Variants in CNTNAP3B observed in about 807,000 individuals in gnomAD.
CNTNAP3B encodes contactin-associated protein-like 3B.
CNTNAP3B carries 25 observed loss-of-function variants against 108.9 expected under a neutral mutation model. The observed-to-expected ratio is 0.23, with a 90% CI of 0.17 to 0.32. CNTNAP3B has a LOEUF of 0.32. CNTNAP3B is among the 10% of genes least tolerant of loss of function. The probability of loss-of-function intolerance (pLI) is 1.00; values close to 1 mark genes in which losing one functional copy is unlikely to be tolerated. For missense variants in CNTNAP3B, 252 were observed against 1,210.4 expected, an observed-to-expected ratio of 0.21 and a Z score of 11.75; for synonymous variants, 103 against 473.4, an observed-to-expected ratio of 0.22 and a Z score of 10.16.
intron 14 of CNTNAP3B, among the ~76,000 whole-genome samples, chr9:41,929,854 T>G (rs1823925112): frequency 6.6e-6 from 1 of 151,134 alleles, no homozygotes; most frequent in Non-Finnish European, 1.5e-5. Flanking sequence ...CTCACTGCCA[T>G]GCAAAAATAG....
At chr9:41,952,390 A>G (rs1824715728) in intron 13 of CNTNAP3B, among the ~76,000 whole-genome samples, 1 of 152,222 alleles carries the variant, frequency 6.6e-6, no homozygotes, top group Non-Finnish European at 1.5e-5. Flanking sequence ...TCCCGCCTAT[A>G]TACTATTTGG....
chr9:41,930,485 G>C (rs1397402180), intron 14 of CNTNAP3B, among the ~76,000 whole-genome samples: 1 of 152,230 alleles, frequency 6.6e-6, no homozygotes, highest in African/African-American at 2.4e-5. Flanking sequence ...AGAGGCTGTA[G>C]TGAGCCATGT....
intron 3 of CNTNAP3B, among the ~76,000 whole-genome samples, chr9:42,032,888 C>CG (rs1826547584): frequency 1.5e-5 from 2 of 133,180 alleles, no homozygotes; most frequent in Non-Finnish European, 3.2e-5. Context: ...TCTCTCTCTC[C>CG]CCCTCTCTTC....
At chr9:42,066,207 T>G (rs1225394842) in intron 3 of CNTNAP3B, among the ~76,000 whole-genome samples, 1 of 137,416 alleles carries the variant, frequency 7.3e-6, no homozygotes, top group Non-Finnish European at 1.6e-5. Context: ...GATCTCCTTA[T>G]ATACCTCATA....
chr9:41,924,909 G>T (rs1293108170), intron 15 of CNTNAP3B, among the ~76,000 whole-genome samples: 3 of 152,200 alleles, frequency 2.0e-5, no homozygotes, highest in Non-Finnish European at 4.4e-5. Context: ...CCTCAACTTG[G>T]ATTTGTCTGA....
At chr9:42,041,680 C>T (rs1454198039) in intron 3 of CNTNAP3B, among the ~76,000 whole-genome samples, 5 of 142,554 alleles carry the variant, frequency 3.5e-5, no homozygotes, top group African/African-American at 1.4e-4. Flanking sequence ...GACAGTGTGG[C>T]AATTCCTCAA....
chr9:42,029,597 C>T (rs1384013404), intron 3 of CNTNAP3B, among the ~76,000 whole-genome samples: 10 of 119,434 alleles, frequency 8.4e-5, no homozygotes, highest in Non-Finnish European at 1.7e-4. Context: ...GTGGTGCAGT[C>T]TCGGCTCACC....
chr9:41,936,941 A>G (rs1177756570), intron 14 of CNTNAP3B, among the ~76,000 whole-genome samples: 16 of 152,406 alleles, frequency 1.0e-4, no homozygotes, highest in African/African-American at 2.9e-4. Context: ...CAACTTCACA[A>G]TATTTTTTAA....
Position 42,017,026 on chromosome 9 carries a change from T to G in CNTNAP3B, c.391-3501A>C, listed in dbSNP as rs1221322545. Among the ~76,000 whole-genome samples, 15 of 151,750 alleles carry G rather than the reference T, an allele frequency of 9.9e-5. No homozygotes were observed. In the South Asian group the frequency reaches 1.5e-3, roughly 15 times the overall value. ...AGGGCATTCTAGCTAAGTATTATAT[T>G]AAGTAATCAAAAATGAGTATTTTCA... On this transcript the variant is annotated intron_variant, in intron 3 of 23. Coordinates refer to ENST00000377561, the MANE Select transcript of CNTNAP3B (RefSeq NM_001201380.3).
intron 1 of CNTNAP3B, among the ~76,000 whole-genome samples, chr9:42,115,959 C>T (rs1187876844): frequency 3.0e-5 from 4 of 134,872 alleles, no homozygotes; most frequent in African/African-American, 3.0e-5. Flanking sequence ...CGCAAAGAAG[C>T]TAAAAACCTT....
At chr9:41,923,095 C>G (rs1823713601) in intron 16 of CNTNAP3B, among the ~76,000 whole-genome samples, 200 bp from the exon 17 acceptor site, 1 of 117,092 alleles carries the variant, frequency 8.5e-6, no homozygotes, top group South Asian at 2.5e-4. Flanking sequence ...ACATATTTAT[C>G]CTCAGAGTTC....
intron 17 of CNTNAP3B, among the ~76,000 whole-genome samples, chr9:41,920,749 A>C (rs1315020965): frequency 1.6e-4 from 24 of 152,384 alleles, no homozygotes; most frequent in Non-Finnish European, 3.2e-4. Flanking sequence ...CAAATTTTTC[A>C]CAATAATAAA....
intron 14 of CNTNAP3B, among the ~76,000 whole-genome samples, chr9:41,933,451 C>T (rs1325307534): frequency 6.8e-6 from 1 of 146,814 alleles, no homozygotes; most frequent in East Asian, 2.0e-4. Flanking sequence ...TTTGGCTGTC[C>T]TTAATTCTCT....
chr9:42,086,390 A>C (rs1295449741), intron 2 of CNTNAP3B, among the ~76,000 whole-genome samples: 1 of 135,910 alleles, frequency 7.4e-6, no homozygotes. Context: ...ATATATATAT[A>C]TATATAAATT....
At position 41,953,215 on chromosome 9, in the gene CNTNAP3B, C is replaced by G. The variant is rs2935316; in HGVS notation, c.2048G>C (p.Arg683Pro). 6.5e-7 allele frequency: 1 copy of G among 1,531,560 alleles called. No homozygotes were observed. Among genetic ancestry groups the G allele is most frequent in the Non-Finnish European group, 8.7e-7 (1 of 1,148,680 alleles). 94.9% of individuals were successfully genotyped at this position (1,531,560 alleles called of 1,614,324 possible). A position where few individuals can be genotyped will look rare whatever the true frequency, so the allele number is the denominator to read the frequency against. The change falls in exon 13 of 24, where the codon CGC (arginine) becomes CCC (proline). Residue 683 changes from arginine (R) to proline (P), a missense_variant. Transcript: ENST00000377561. ...AERCEQRLAL[R>P]CGTARRPDSR... The stretch of plus-strand genomic sequence containing the variant: ...GTCCGGGCGCCGCGCTGTCCCGCAG[C>G]GCAGAGCCAGCCGCTGCTCGCAGCG...
At chr9:41,921,366 A>T (rs1424009148) in intron 17 of CNTNAP3B, among the ~76,000 whole-genome samples, 1 of 152,118 alleles carries the variant, frequency 6.6e-6, no homozygotes, top group Admixed American at 6.6e-5. Flanking sequence ...AGAAGAGCTA[A>T]CCACGCCTGA....
rs375980454 is a variant in CNTNAP3B at position 41,918,504 on chromosome 9, G to A, written c.2995+1566C>T. On this transcript the variant is annotated intron_variant, in intron 18 of 23. Coordinates refer to ENST00000377561, the MANE Select transcript of CNTNAP3B (RefSeq NM_001201380.3). Reference sequence around the variant, plus strand: ...ATATATCTGTAAATAAAAAGAAAATGTTGGGTGATGATCACTGTCTTGGAA... The same window carrying A: ...ATATATCTGTAAATAAAAAGAAAATATTGGGTGATGATCACTGTCTTGGAA... 7.6e-5 allele frequency among the ~76,000 whole-genome samples: 11 copies of A among 145,056 alleles called. No individual in the cohort carries two copies. The East Asian group carries it at 1.2e-3, about 16-fold the overall frequency.
In CNTNAP3B at chr9:42,026,660, C is replaced by G. The variant is rs1257342348; in HGVS notation, c.391-13135G>C. Among the ~76,000 whole-genome samples, 573 of 110,108 alleles carry G rather than the reference C, an allele frequency of 5.2e-3. 72 individuals carry two copies. Among genetic ancestry groups the G allele is most frequent in the African/African-American group, 0.02 (531 of 26,988 alleles). 72.2% of individuals were successfully genotyped at this position (110,108 alleles called of 152,430 possible). A position where few individuals can be genotyped will look rare whatever the true frequency, so the allele number is the denominator to read the frequency against. On this transcript the variant is annotated intron_variant, in intron 3 of 23. Transcript: ENST00000377561. ...CAGAATTTTCAGAAGTTTACCCATT[C>G]TAAACATAATAGAGTGAAATAACCC...
chr9:41,913,915 GT>G (rs1276235107), intron 18 of CNTNAP3B, among the ~76,000 whole-genome samples: 1 of 67,170 alleles, frequency 1.5e-5, no homozygotes, highest in East Asian at 3.1e-4. Context: ...CAATTCATGT[GT>G]TGACGGACAC....
Sources: allele counts gnomAD v4.1 joint callset (sites outside exome capture counted in the v4.1 genomes callset), GRCh38; gene constraint gnomAD v4.1.1; transcripts MANE v1.5; gene names NCBI Gene and HGNC (gene_info 2026-07-23, HGNC 2026-07-21).